The following CPNE4 variants were observed in gnomAD, a reference collection of about 807,000 sequenced individuals.
CPNE4 encodes the protein copine-4.
Under a neutral mutation model 67.9 loss-of-function variants are expected in CPNE4, and 25 were observed. The ratio of observed to expected loss-of-function variants is 0.37; its 90% CI spans 0.27 to 0.51. The LOEUF (loss-of-function observed/expected upper bound fraction) is 0.51. CPNE4 is among the 20% of genes least tolerant of loss of function. The pLI is 0.93. For synonymous variants in CPNE4, 242 were observed against 244.9 expected, an observed-to-expected ratio of 0.99 and a Z score of 0.11; for missense variants, 464 against 690.8, an observed-to-expected ratio of 0.67 and a Z score of 3.68.
chr3:131,682,125 G>A (rs909827087), intron 6 of CPNE4, among the ~76,000 whole-genome samples: 2 of 151,906 alleles, frequency 1.3e-5, no homozygotes, highest in Admixed American at 1.3e-4. Flanking sequence ...TTCCAGGATT[G>A]GTCTCTGGTG....
In CPNE4 at chr3:131,621,116, C is replaced by T. The variant is rs577180027; in HGVS notation, c.682-33534G>A. Among the ~76,000 whole-genome samples the T allele has an allele frequency of 5.9e-5, 9 of 152,286 alleles. No homozygotes were observed. In the South Asian group the frequency reaches 1.7e-3, roughly 28 times the overall value. On this transcript the variant is annotated intron_variant, in intron 7 of 15. Transcript: ENST00000429747. ...TCAAAGTTGATTGTTTTGACCTTGA[C>T]TTAGCACGCATTTCTGGGTGAATAA...
chr3:131,890,276 G>T (rs1338142922), intron 2 of CPNE4, among the ~76,000 whole-genome samples: 1 of 151,850 alleles, frequency 6.6e-6, no homozygotes, highest in Non-Finnish European at 1.5e-5. Context: ...AATGGGCAAA[G>T]GACCTGAATA....
At chr3:131,748,682 T>G (rs967201564) in intron 2 of CPNE4, among the ~76,000 whole-genome samples, 3 of 152,256 alleles carry the variant, frequency 2.0e-5, no homozygotes, top group Admixed American at 2.0e-4. Context: ...TAAAGTGACA[T>G]TGTCAAATGC....
intron 2 of CPNE4, among the ~76,000 whole-genome samples, chr3:131,827,493 T>G (rs2085208960): frequency 6.6e-6 from 1 of 152,106 alleles, no homozygotes. Flanking sequence ...AAATAAGATA[T>G]AGCTGCTAGC....
At chr3:131,763,769 C>G (rs2082946411) in intron 2 of CPNE4, among the ~76,000 whole-genome samples, 1 of 152,028 alleles carries the variant, frequency 6.6e-6, no homozygotes, top group Non-Finnish European at 1.5e-5. Context: ...AGCCTTAACA[C>G]TGTGTATGTT....
At chr3:131,776,692 A>G (rs1405772356) in intron 2 of CPNE4, among the ~76,000 whole-genome samples, 1 of 152,154 alleles carries the variant, frequency 6.6e-6, no homozygotes, top group Non-Finnish European at 1.5e-5. Flanking sequence ...CTCCAAAACC[A>G]GTATTTTCCC....
In CPNE4 at chr3:131,825,725, G is replaced by A. The variant is rs73875036; in HGVS notation, c.180+79539C>T. Reference sequence around the variant, plus strand: ...CTTATTTTTTTCTGTACAGATAAGGGCCAGGAGACAAGATCAGGTATTCTA... The same window carrying A: ...CTTATTTTTTTCTGTACAGATAAGGACCAGGAGACAAGATCAGGTATTCTA... On this transcript the variant is annotated intron_variant, in intron 2 of 15. Coordinates refer to ENST00000429747, the MANE Select transcript of CPNE4 (RefSeq NM_130808.3). Among the ~76,000 whole-genome samples the A allele has an allele frequency of 7.5e-3, 1,143 of 152,186 alleles. 15 individuals carry two copies. Among genetic ancestry groups the A allele is most frequent in the African/African-American group, 0.027 (1,102 of 41,516 alleles).
chr3:131,897,636 C>T (rs1180097166), intron 2 of CPNE4, among the ~76,000 whole-genome samples: 3 of 152,094 alleles, frequency 2.0e-5, no homozygotes, highest in African/African-American at 7.2e-5. Flanking sequence ...TGGCTCACAC[C>T]TGTAATCCCA....
At chr3:131,992,249 G>T (rs2107650945) in intron 1 of CPNE4, among the ~76,000 whole-genome samples, 1 of 136,854 alleles carries the variant, frequency 7.3e-6, no homozygotes, top group African/African-American at 2.4e-5. Flanking sequence ...TGTGAAAGCA[G>T]CTGGAAGGGA....
intron 2 of CPNE4, among the ~76,000 whole-genome samples, chr3:131,870,306 T>C (rs1220269533): frequency 6.6e-6 from 1 of 152,200 alleles, no homozygotes; most frequent in East Asian, 1.9e-4. Context: ...GCTAAAATTT[T>C]AGAGTTAAAA....
At chr3:131,682,904 C>T (rs2080793653) in intron 6 of CPNE4, among the ~76,000 whole-genome samples, 2 of 152,100 alleles carry the variant, frequency 1.3e-5, no homozygotes, top group Non-Finnish European at 2.9e-5. Context: ...GTAGCCTCTC[C>T]CTTGGCCACC....
At chr3:131,583,877 A>T (rs1326142102) in intron 8 of CPNE4, among the ~76,000 whole-genome samples, 2 of 152,188 alleles carry the variant, frequency 1.3e-5, no homozygotes, top group Non-Finnish European at 2.9e-5. Context: ...GAACTTTCCC[A>T]GGTCATACAG....
At chr3:131,601,097 C>G (rs999225175) in intron 7 of CPNE4, among the ~76,000 whole-genome samples, 1 of 152,082 alleles carries the variant, frequency 6.6e-6, no homozygotes, top group African/African-American at 2.4e-5. Flanking sequence ...GTGGAAACAG[C>G]AGCATTCTCG....
At chr3:131,897,155 A>G (rs1420255832) in intron 2 of CPNE4, among the ~76,000 whole-genome samples, 1 of 152,126 alleles carries the variant, frequency 6.6e-6, no homozygotes, top group East Asian at 1.9e-4. Context: ...TCGTTGGGTT[A>G]TTCTGCCTCC....
chr3:131,581,012 A>G (rs563512460), intron 9 of CPNE4, among the ~76,000 whole-genome samples: 14 of 152,116 alleles, frequency 9.2e-5, no homozygotes, highest in African/African-American at 3.1e-4. Context: ...TCTCTACTAA[A>G]AATAGAAAAA....
intron 5 of CPNE4, among the ~76,000 whole-genome samples, chr3:131,692,164 C>A (rs553164090): frequency 4.7e-4 from 71 of 152,152 alleles, no homozygotes; most frequent in African/African-American, 1.7e-3. Flanking sequence ...TGACGGTGAT[C>A]TTGAAAATGG....
At chr3:131,805,629 G>GA (rs1300617525) in intron 2 of CPNE4, among the ~76,000 whole-genome samples, 2 of 152,160 alleles carry the variant, frequency 1.3e-5, no homozygotes, top group African/African-American at 4.8e-5. Flanking sequence ...TCTGCTGGGT[G>GA]ATGCCGGCTG....
chr3:131,935,914 A>T (rs1384420004), intron 1 of CPNE4, among the ~76,000 whole-genome samples: 2 of 152,032 alleles, frequency 1.3e-5, no homozygotes, highest in Non-Finnish European at 2.9e-5. Context: ...ATGTGGATTC[A>T]TAGAAGGATA....
chr3:131,801,350 T>C (rs570030804), intron 2 of CPNE4, among the ~76,000 whole-genome samples: 2 of 100,048 alleles, frequency 2.0e-5, no homozygotes, highest in African/African-American at 3.2e-5. Flanking sequence ...TATATATATA[T>C]GTACCATATA....
Sources: allele counts gnomAD v4.1 joint callset (sites outside exome capture counted in the v4.1 genomes callset), GRCh38; gene constraint gnomAD v4.1.1; transcripts MANE v1.5; gene names NCBI Gene and HGNC (gene_info 2026-07-23, HGNC 2026-07-21).